Variants in PHF20 observed in about 807,000 individuals in gnomAD.
The protein encoded by PHF20 is glioma-expressed antigen 2.
A neutral mutation model predicts 113.5 loss-of-function variants in PHF20; 23 were observed. The observed-to-expected ratio is 0.20, with a 90% CI of 0.15 to 0.29. The LOEUF (loss-of-function observed/expected upper bound fraction) is 0.29. Ranked by LOEUF, PHF20 falls within the 10% of genes least tolerant of loss-of-function variation. The probability of loss-of-function intolerance (pLI) is 1.00; values close to 1 mark genes in which losing one functional copy is unlikely to be tolerated. For synonymous variants in PHF20, 434 were observed against 457.3 expected, an observed-to-expected ratio of 0.95 and a Z score of 0.65; for missense variants, 943 against 1,219.6, an observed-to-expected ratio of 0.77 and a Z score of 3.38.
At chr20:35,852,045 C>A (rs2042741787) in intron 4 of PHF20, among the ~76,000 whole-genome samples, 1 of 152,094 alleles carries the variant, frequency 6.6e-6, no homozygotes, top group Non-Finnish European at 1.5e-5. Flanking sequence ...AGTCTTTACA[C>A]AAACATGGAA....
intron 15 of PHF20, 38 bp downstream of exon 15, chr20:35,931,482 T>G: frequency 6.5e-7 from 1 of 1,528,402 alleles, no homozygotes; most frequent in Non-Finnish European, 9.0e-7. Context: ...GCAGTCTGTT[T>G]GGCATGGTCT....
intron 14 of PHF20, among the ~76,000 whole-genome samples, chr20:35,929,811 C>T (rs2055716303): frequency 6.6e-6 from 1 of 152,220 alleles, no homozygotes; most frequent in Non-Finnish European, 1.5e-5. Context: ...TATAGACTGA[C>T]TCTGCAGAGG....
At chr20:35,919,336 A>ATTTT (rs751803907) in intron 13 of PHF20, among the ~76,000 whole-genome samples, 1 of 112,632 alleles carries the variant, frequency 8.9e-6, no homozygotes, top group African/African-American at 3.3e-5. Context: ...TGTTATGGTA[A>ATTTT]TTTTTTTTTT....
rs1041656029 is a variant in PHF20, at chr20:35,839,845, G to A, written c.84-2728G>A. ...GAACTTGAGGAGTGAAATTGGAATA[G>A]GTTGCTGGAGTCTGAGAATGTTGGA... On this transcript the variant is annotated intron_variant, in intron 2 of 17. Coordinates refer to ENST00000374012, the MANE Select transcript of PHF20 (RefSeq NM_016436.5). 3.3e-5 allele frequency among the ~76,000 whole-genome samples: 5 copies of A among 152,326 alleles called. No homozygotes were observed. The East Asian group carries it at 9.6e-4, about 29-fold the overall frequency.
intron 15 of PHF20, among the ~76,000 whole-genome samples, chr20:35,932,162 G>A (rs1321463041): frequency 6.6e-6 from 1 of 150,498 alleles, no homozygotes; most frequent in Non-Finnish European, 1.5e-5. Context: ...CCACCTCCTG[G>A]GTTCAAGCGA....
chr20:35,847,318 C>T, intron 3 of PHF20, 32 bp from the exon 4 acceptor site: 2 of 1,350,350 alleles, frequency 1.5e-6, no homozygotes, highest in Admixed American at 1.8e-5. Context: ...AGGTTGGTAA[C>T]AGGATCTTTT....
chr20:35,840,933 C>A (rs566683515), intron 2 of PHF20, among the ~76,000 whole-genome samples: 6 of 152,304 alleles, frequency 3.9e-5, no homozygotes, highest in African/African-American at 1.4e-4. Flanking sequence ...ATCTACTGAA[C>A]TGACCACACT....
At chr20:35,892,224 A>ATTTTTTTTTTTT (rs780490898) in intron 9 of PHF20, among the ~76,000 whole-genome samples, 21 of 102,506 alleles carry the variant, frequency 2.0e-4, no homozygotes, top group Non-Finnish European at 2.5e-4. Context: ...CGCCTGGCTG[A>ATTTTTTTTTTTT]TTTTTTTTTT....
intron 9 of PHF20, chr20:35,887,628 C>G (rs2054759471): frequency 6.6e-6 from 1 of 152,088 alleles, no homozygotes; most frequent in Admixed American, 6.6e-5. Flanking sequence ...CATACTGTCT[C>G]CTTCGCCATA....
intron 1 of PHF20, among the ~76,000 whole-genome samples, chr20:35,781,079 C>T (rs946771703): frequency 6.6e-6 from 1 of 151,698 alleles, no homozygotes; most frequent in South Asian, 2.1e-4. Context: ...TCTCGAACCC[C>T]TGACCTCAGG....
intron 4 of PHF20, among the ~76,000 whole-genome samples, chr20:35,858,072 AT>A (rs1167072472): frequency 6.6e-6 from 1 of 152,142 alleles, no homozygotes; most frequent in Non-Finnish European, 1.5e-5. Context: ...AAACAAGTTT[AT>A]TTTTTTGATG....
At chr20:35,866,864 A>C (rs2146980985) in intron 6 of PHF20, among the ~76,000 whole-genome samples, 1 of 152,332 alleles carries the variant, frequency 6.6e-6, no homozygotes, top group South Asian at 2.1e-4. Flanking sequence ...CATAATGAGT[A>C]GGATAAATTT....
chr20:35,852,462 G>GTGT (rs2042750212), intron 4 of PHF20, among the ~76,000 whole-genome samples: 2 of 152,158 alleles, frequency 1.3e-5, no homozygotes, highest in Admixed American at 1.3e-4. Flanking sequence ...GAATAGATGA[G>GTGT]TGTTGTATTG....
Position 35,847,368 on chromosome 20 carries a change from C to A in PHF20, c.274C>A (p.Gln92Lys). The A allele has an allele frequency of 6.2e-7, 1 of 1,604,086 alleles. No homozygotes were observed. Among genetic ancestry groups the A allele is most frequent in the Non-Finnish European group, 8.5e-7 (1 of 1,174,426 alleles). The change falls in exon 4 of 18, where the codon CAG becomes AAG. Residue 92 changes from glutamine (Q) to lysine (K), a missense_variant. This residue lies in a region of PHF20 where 592 missense variants were observed against 787.2 expected (regional missense o/e 0.75). Transcript: ENST00000374012. ...TTTTTAGGAATTTCAAATAAATGAGCAGGTCCTTGCTTGCTGGTCTGATTG... is the reference window on the plus strand; with the variant it reads ...TTTTTAGGAATTTCAAATAAATGAGAAGGTCCTTGCTTGCTGGTCTGATTG... ...DGSSEFQINE[Q>K]VLACWSDCRF... is the part of the protein sequence containing the mutation.
intron 1 of PHF20, among the ~76,000 whole-genome samples, chr20:35,776,995 A>G (rs577997133): frequency 1.3e-5 from 2 of 152,182 alleles, no homozygotes; most frequent in Non-Finnish European, 2.9e-5. Context: ...CCCTTGTCCA[A>G]GTCACTTCTG....
At chr20:35,919,208 G>C (rs1032348677) in intron 13 of PHF20, among the ~76,000 whole-genome samples, 1 of 151,672 alleles carries the variant, frequency 6.6e-6, no homozygotes, top group Non-Finnish European at 1.5e-5. Flanking sequence ...GTAGAGAAGC[G>C]GTTTCTCCAT....
At chr20:35,805,350 A>ATTT (rs202026110) in intron 2 of PHF20, among the ~76,000 whole-genome samples, 28 of 130,288 alleles carry the variant, frequency 2.1e-4, no homozygotes, top group African/African-American at 4.8e-4. Flanking sequence ...ACCACGCCTG[A>ATTT]TTTTTTATTA....
chr20:35,891,282 CAGA>C (rs1295583445), intron 9 of PHF20, among the ~76,000 whole-genome samples: 1 of 150,158 alleles, frequency 6.7e-6, no homozygotes, highest in African/African-American at 2.5e-5. Flanking sequence ...GAGGCTGAGG[CAGA>C]AGAATCGCTT....
At chr20:35,933,690 C>G (rs2055809252) in intron 15 of PHF20, among the ~76,000 whole-genome samples, 1 of 152,168 alleles carries the variant, frequency 6.6e-6, no homozygotes, top group Non-Finnish European at 1.5e-5. Flanking sequence ...AGCCACTGCG[C>G]CTGGCCTAAT....
Sources: allele counts gnomAD v4.1 joint callset (sites outside exome capture counted in the v4.1 genomes callset), GRCh38; gene constraint gnomAD v4.1.1; regional missense constraint gnomAD v4.1.1; transcripts MANE v1.5; gene names NCBI Gene and HGNC (gene_info 2026-07-23, HGNC 2026-07-21).